Variants in TUG1 observed in about 807,000 individuals in gnomAD.
TUG1 encodes taurine up-regulated 1.
exon 1 of TUG1, chr22:30,970,855 C>T (rs932508650): frequency 1.4e-4 from 22 of 152,162 alleles, no homozygotes; most frequent in African/African-American, 5.3e-4. Flanking sequence ...CGAAAGTTAA[C>T]ATTGTCTGAA....
At chr22:30,971,172 G>T (rs998682777) in exon 1 of TUG1, 1 of 152,178 alleles carries the variant, frequency 6.6e-6, no homozygotes, top group Non-Finnish European at 1.5e-5. Context: ...AGTGTATTTT[G>T]TCTGATTAGA....
At chr22:30,978,488 G>A (rs2041314639) in exon 3 of TUG1, 1 of 152,140 alleles carries the variant, frequency 6.6e-6, no homozygotes, top group South Asian at 2.1e-4. Flanking sequence ...ACAACTCCCT[G>A]ATGTTTCTTA....
chr22:30,977,050 C>T (rs571303946), exon 3 of TUG1: 1 of 152,244 alleles, frequency 6.6e-6, no homozygotes, highest in African/African-American at 2.4e-5. Context: ...CAGAAAAAGA[C>T]ATTGATCTAT....
chr22:30,977,982 T>G (rs938213584), exon 3 of TUG1: 3 of 152,222 alleles, frequency 2.0e-5, no homozygotes, highest in African/African-American at 7.2e-5. Flanking sequence ...CTGGAAGGAA[T>G]ACAGCAGTTC....
At chr22:30,978,849 A>T (rs897148607) in exon 3 of TUG1, 1 of 152,192 alleles carries the variant, frequency 6.6e-6, no homozygotes, top group Non-Finnish European at 1.5e-5. Flanking sequence ...TGCTTAAGTT[A>T]CTTTGAGTTG....
chr22:30,977,301 T>A (rs2041300034), exon 3 of TUG1: 1 of 152,150 alleles, frequency 6.6e-6, no homozygotes, highest in African/African-American at 2.4e-5. Flanking sequence ...GCTTGTAAGA[T>A]GATTCTCAGA....
At chr22:30,972,752 A>T (rs560951918) in intron 1 of TUG1, 103 bp from the exon 2 acceptor site, 2 of 153,066 alleles carry the variant, frequency 1.3e-5, no homozygotes, top group Non-Finnish European at 2.9e-5. Flanking sequence ...AAGAATTAAC[A>T]GCCATCAGGC....
exon 2 of TUG1, chr22:30,973,096 G>A (rs2041249824): frequency 6.6e-6 from 1 of 152,662 alleles, no homozygotes; most frequent in Non-Finnish European, 1.5e-5. Flanking sequence ...GCCCTTTATA[G>A]TGAAGTCAGA....
exon 1 of TUG1, chr22:30,970,139 A>G (rs1378712706): frequency 1.3e-5 from 2 of 152,200 alleles, no homozygotes; most frequent in African/African-American, 4.8e-5. Context: ...GGGATCCCCA[A>G]ACTTCCTGAA....
chr22:30,969,547 G>A (rs2041199097), exon 1 of TUG1: 1 of 152,048 alleles, frequency 6.6e-6, no homozygotes, highest in Admixed American at 6.6e-5. Context: ...CGCAGAACTC[G>A]GGCGGCGGCC....
exon 1 of TUG1, chr22:30,969,310 C>T (rs1017315838): frequency 6.6e-6 from 1 of 152,470 alleles, no homozygotes; most frequent in South Asian, 2.1e-4. Flanking sequence ...CCGGAGGAGC[C>T]ATCTTGTCTC....
At chr22:30,977,087 A>C (rs2147371190) in exon 3 of TUG1, 1 of 152,272 alleles carries the variant, frequency 6.6e-6, no homozygotes, top group South Asian at 2.1e-4. Context: ...ATCCTGCCAT[A>C]CTCAGTCAAA....
chr22:30,976,260 T>TA (rs2041287354), exon 3 of TUG1: 1 of 152,102 alleles, frequency 6.6e-6, no homozygotes, highest in Non-Finnish European at 1.5e-5. Flanking sequence ...ATTTTTTTTT[T>TA]AATTGCTCTG....
chr22:30,976,442 A>T (rs2041288683), exon 3 of TUG1: 1 of 152,208 alleles, frequency 6.6e-6, no homozygotes, highest in Non-Finnish European at 1.5e-5. Flanking sequence ...CTGATTTGAA[A>T]AACAAAATCT....
At chr22:30,976,676 G>C (rs536510100) in exon 3 of TUG1, 1 of 152,302 alleles carries the variant, frequency 6.6e-6, no homozygotes, top group African/African-American at 2.4e-5. Context: ...TCTCAGACCA[G>C]ATCATGTTGA....
At chr22:30,979,148 A>G (rs1026963337) in exon 3 of TUG1, 1 of 152,190 alleles carries the variant, frequency 6.6e-6, no homozygotes, top group African/African-American at 2.4e-5. Flanking sequence ...AAGTACATTC[A>G]TTGTGTATGG....
exon 2 of TUG1, chr22:30,973,500 A>G (rs1569211965): frequency 6.6e-6 from 1 of 152,194 alleles, no homozygotes; most frequent in Non-Finnish European, 1.5e-5. Context: ...ACACAAATGT[A>G]AGAAATTCTA....
At chr22:30,978,977 A>G (rs2041319343) in exon 3 of TUG1, 1 of 152,214 alleles carries the variant, frequency 6.6e-6, no homozygotes, top group Non-Finnish European at 1.5e-5. Context: ...TCCAAAGTGG[A>G]AGACAAAATG....
chr22:30,975,303 T>C (rs1480514559), exon 3 of TUG1: 1 of 151,922 alleles, frequency 6.6e-6, no homozygotes, highest in Non-Finnish European at 1.5e-5. Flanking sequence ...GAAGCAAGAG[T>C]AGGGGCCTGA....
Sources: gnomAD v4.1 joint callset for allele counts on GRCh38, gnomAD v4.1.1 for gene constraint, MANE v1.5 for transcripts, NCBI Gene and HGNC (gene_info 2026-07-23, HGNC 2026-07-21) for gene names.